The following MALRD1 variants were observed in gnomAD, a reference collection of about 807,000 sequenced individuals.
MALRD1 encodes MAM and LDL receptor class A domain containing 1.
MALRD1 carries 247 observed loss-of-function variants against 242.1 expected under a neutral mutation model. That is an observed-to-expected ratio of 1.02 (90% CI 0.92 to 1.13). The LOEUF is 1.13. MALRD1 is among the 50% of genes most tolerant of loss of function. MALRD1 has a pLI of 0.00. For synonymous variants in MALRD1, 995 were observed against 866.6 expected, an observed-to-expected ratio of 1.15 and a Z score of -2.60; for missense variants, 2,989 against 2,533.1, an observed-to-expected ratio of 1.18 and a Z score of -3.86.
chr10:19,162,833 G>T (rs943151717), intron 12 of MALRD1, among the ~76,000 whole-genome samples: 4 of 151,856 alleles, frequency 2.6e-5, no homozygotes, highest in Admixed American at 6.6e-5. Flanking sequence ...CACAGTACTA[G>T]AAATTTTTCT....
intron 14 of MALRD1, among the ~76,000 whole-genome samples, chr10:19,176,475 A>C (rs11008794): frequency 0.42 from 58,867 of 140,992 alleles, 12,474 homozygotes; most frequent in Admixed American, 0.48. Context: ...CCCGGGTTCA[A>C]GCCATTCTCC....
intron 31 of MALRD1, among the ~76,000 whole-genome samples, chr10:19,500,038 T>A (rs1420579193): frequency 6.6e-6 from 1 of 152,180 alleles, no homozygotes; most frequent in Non-Finnish European, 1.5e-5. Flanking sequence ...GATTTTTGTG[T>A]CTGTGTTTAT....
At chr10:19,469,164 T>C (rs1836371160) in intron 29 of MALRD1, among the ~76,000 whole-genome samples, 1 of 152,224 alleles carries the variant, frequency 6.6e-6, no homozygotes, top group Admixed American at 6.5e-5. Flanking sequence ...GAACCCTTAT[T>C]ATACACATAA....
rs530755020 is a variant in MALRD1 at position 19,076,723 on chromosome 10, GAGTA to G, written c.340+9868_340+9871del. Among the ~76,000 whole-genome samples the G allele has an allele frequency of 1.7e-3, 261 of 152,124 alleles. 1 individual carries two copies. The highest frequency in any genetic ancestry group is 6.0e-3 in the African/African-American group (251 of 41,570). ...AGTTTGAAAGGAAGTTACTAGGGAA[GAGTA>G]AGTCTTATAATTTTGTTATTTTCTT... On this transcript the variant is annotated intron_variant, in intron 2 of 39. Coordinates refer to ENST00000454679, the MANE Select transcript of MALRD1 (RefSeq NM_001142308.3).
In MALRD1 at chr10:19,257,094, C is replaced by T. The variant is rs114982533; in HGVS notation, c.2992-590C>T. On this transcript the variant is annotated intron_variant, in intron 18 of 39. Transcript: ENST00000454679. ...TTTTACTAAGTTCTGGTGGAACTGC[C>T]GCTCCTGCAGCAGCACAAATGTCAT... Among the ~76,000 whole-genome samples, 1,293 of 152,118 alleles carry T rather than the reference C, an allele frequency of 8.5e-3. 14 individuals are homozygous for T. Among genetic ancestry groups the T allele is most frequent in the African/African-American group, 0.029 (1,221 of 41,522 alleles).
chr10:19,097,085 C>G (rs1168773352), intron 4 of MALRD1, among the ~76,000 whole-genome samples: 1 of 152,184 alleles, frequency 6.6e-6, no homozygotes, highest in Non-Finnish European at 1.5e-5. Context: ...TTAGCACTTA[C>G]TATGTGTAAG....
chr10:19,293,293 C>G (rs1246791070), intron 21 of MALRD1, among the ~76,000 whole-genome samples: 1 of 150,344 alleles, frequency 6.7e-6, no homozygotes, highest in African/African-American at 2.4e-5. Context: ...TATTTTTTTG[C>G]CAAGACACCA....
chr10:19,391,283 G>A (rs140541925), intron 28 of MALRD1, among the ~76,000 whole-genome samples: 3 of 152,124 alleles, frequency 2.0e-5, no homozygotes, highest in South Asian at 2.1e-4. Flanking sequence ...ACTTAGTCAC[G>A]TTGATTGTGA....
At chr10:19,698,809 T>C (rs1293913128) in intron 38 of MALRD1, among the ~76,000 whole-genome samples, 1 of 152,056 alleles carries the variant, frequency 6.6e-6, no homozygotes, top group Non-Finnish European at 1.5e-5. Flanking sequence ...GCCACTGGAG[T>C]ATTCTGTCCC....
chr10:19,600,995 C>T (rs968484841), intron 34 of MALRD1, among the ~76,000 whole-genome samples: 3 of 152,014 alleles, frequency 2.0e-5, no homozygotes, highest in Non-Finnish European at 4.4e-5. Flanking sequence ...AGCAATCCCC[C>T]CACCTTAGTC....
intron 4 of MALRD1, among the ~76,000 whole-genome samples, chr10:19,094,175 G>A (rs1273485008): frequency 1.5e-4 from 16 of 107,130 alleles, no homozygotes; most frequent in African/African-American, 6.2e-4. Flanking sequence ...GCAATGGCGG[G>A]CGCCCCTCCC....
chr10:19,165,144 G>C, intron 12 of MALRD1, among the ~76,000 whole-genome samples: 1 of 150,440 alleles, frequency 6.6e-6, no homozygotes, highest in Admixed American at 6.6e-5. Flanking sequence ...AAGGATTCTG[G>C]AAACTTCCAT....
intron 19 of MALRD1, among the ~76,000 whole-genome samples, chr10:19,274,029 G>T (rs1840382460): frequency 6.6e-6 from 1 of 152,090 alleles, no homozygotes; most frequent in African/African-American, 2.4e-5. Flanking sequence ...TTCCTGGTGG[G>T]ACTGTAAAGT....
At chr10:19,279,616 A>C (rs1840706787) in intron 19 of MALRD1, among the ~76,000 whole-genome samples, 1 of 152,228 alleles carries the variant, frequency 6.6e-6, no homozygotes, top group African/African-American at 2.4e-5. Flanking sequence ...ATAAGTGAAA[A>C]TATGTTAAAC....
intron 14 of MALRD1, among the ~76,000 whole-genome samples, chr10:19,188,214 G>A (rs184143897): frequency 8.5e-5 from 13 of 152,256 alleles, no homozygotes; most frequent in Admixed American, 5.9e-4. Flanking sequence ...GATGCCCATC[G>A]TCAATGACCA....
intron 21 of MALRD1, among the ~76,000 whole-genome samples, chr10:19,306,547 T>C: frequency 6.7e-6 from 1 of 148,172 alleles, no homozygotes; most frequent in East Asian, 2.0e-4. Flanking sequence ...GTGTATAGTA[T>C]ATATATAGTA....
chr10:19,530,367 A>T (rs1430357357), intron 31 of MALRD1, among the ~76,000 whole-genome samples: 1 of 109,152 alleles, frequency 9.2e-6, no homozygotes, highest in African/African-American at 5.2e-5. Context: ...ATTTATATAA[A>T]TATTTATATA....
At chr10:19,065,399 T>C (rs1377280447) in intron 1 of MALRD1, among the ~76,000 whole-genome samples, 2 of 151,684 alleles carry the variant, frequency 1.3e-5, no homozygotes, top group Non-Finnish European at 2.9e-5. Context: ...TGCTATGGCA[T>C]TTGGAAACTG....
intron 31 of MALRD1, 93 bp downstream of exon 31, chr10:19,498,739 T>G: frequency 7.2e-7 from 1 of 1,395,040 alleles, no homozygotes; most frequent in Non-Finnish European, 9.6e-7. Context: ...ATTTCTTATG[T>G]GTATGTGGGG....
Sources: gnomAD v4.1 joint callset for allele counts (sites outside exome capture counted in the v4.1 genomes callset) on GRCh38, gnomAD v4.1.1 for gene constraint, MANE v1.5 for transcripts, NCBI Gene and HGNC (gene_info 2026-07-23, HGNC 2026-07-21) for gene names.